Variants in WFDC1 observed in about 807,000 individuals in gnomAD.
WFDC1 encodes WAP four-disulfide core domain protein 1.
In WFDC1, 39 loss-of-function variants were observed where a neutral mutation model predicts 32.9. That is an observed-to-expected ratio of 1.19 (90% CI 0.92 to 1.55). WFDC1 has a LOEUF of 1.55. Ranked by LOEUF, WFDC1 falls within the 40% of genes most tolerant of loss-of-function variation. WFDC1 has a pLI of 0.00. For missense variants in WFDC1, 386 were observed against 309.5 expected (o/e 1.25, Z -1.85); for synonymous variants, 184 against 137.4 (o/e 1.34, Z -2.37).
chr16:84,311,816 G>A (rs62050690), intron 1 of WFDC1, among the ~76,000 whole-genome samples: 1,567 of 148,438 alleles, frequency 0.011, 21 homozygotes, highest in African/African-American at 0.037. Flanking sequence ...GGGATTATAC[G>A]CTTGTGTGCC....
At chr16:84,315,099 G>T (rs988841111) in intron 2 of WFDC1, among the ~76,000 whole-genome samples, 2 of 152,230 alleles carry the variant, frequency 1.3e-5, no homozygotes, top group African/African-American at 4.8e-5. Flanking sequence ...ATTGCCTTAG[G>T]CCGTGAGTGT....
chr16:84,318,486 C>A lies in WFDC1; in HGVS notation c.421+131C>A, dbSNP rs1908097010. On this transcript the variant is annotated intron_variant, in intron 3 of 6. Coordinates refer to ENST00000219454, the MANE Select transcript of WFDC1 (RefSeq NM_021197.4). ...GCCCTTCAGCCAAACACTCAGCCCTCTTTGATCCTCCCCACCCCAGCGAAG... is the reference window on the plus strand; with the variant it reads ...GCCCTTCAGCCAAACACTCAGCCCTATTTGATCCTCCCCACCCCAGCGAAG... 6.1e-6 allele frequency: 5 copies of A among 818,806 alleles called. No homozygotes were observed. The South Asian group carries it at 7.6e-5, about 13-fold the overall frequency. The allele number at this position is 818,806 out of a possible 1,614,324, so 50.7% of individuals were successfully genotyped here.
At chr16:84,299,456 C>T (rs571981246) in intron 1 of WFDC1, among the ~76,000 whole-genome samples, 2 of 151,912 alleles carry the variant, frequency 1.3e-5, no homozygotes, top group Non-Finnish European at 2.9e-5. Flanking sequence ...AGAAGCAGAA[C>T]GTTTGTAAAT....
At chr16:84,305,148 C>G (rs1907176477) in intron 1 of WFDC1, among the ~76,000 whole-genome samples, 1 of 152,220 alleles carries the variant, frequency 6.6e-6, no homozygotes, top group Admixed American at 6.5e-5. Flanking sequence ...ACTGAAGATT[C>G]AGTATGTGAG....
intron 1 of WFDC1, among the ~76,000 whole-genome samples, chr16:84,309,590 G>A (rs768551139): frequency 2.6e-5 from 4 of 152,134 alleles, no homozygotes; most frequent in East Asian, 1.9e-4. Flanking sequence ...ACAAACTGGG[G>A]TGGGAGGGGT....
intron 4 of WFDC1, among the ~76,000 whole-genome samples, chr16:84,322,145 C>CTGTGTGTGTGTGTGTGTGTG (rs751867533): frequency 3.7e-5 from 4 of 109,334 alleles, no homozygotes; most frequent in East Asian, 2.3e-4. Context: ...GCCTCAGAGC[C>CTGTGTGTGTGTGTGTGTGTG]TGTGTGTGTG....
chr16:84,319,252 C>G, intron 3 of WFDC1, 179 bp from the exon 4 acceptor site: 1 of 724,254 alleles, frequency 1.4e-6, no homozygotes, highest in African/African-American at 1.8e-5. Context: ...GCACGTGTGC[C>G]ACATGCCGCT....
chr16:84,310,202 T>C (rs1037441960), intron 1 of WFDC1, among the ~76,000 whole-genome samples: 3 of 150,666 alleles, frequency 2.0e-5, no homozygotes, highest in Admixed American at 6.6e-5. Flanking sequence ...GTGTGGGACA[T>C]AGAAGCGGGG....
At chr16:84,319,379 C>T (rs1908160790) in intron 3 of WFDC1, 52 bp from the exon 4 acceptor site, 9 of 1,591,774 alleles carry the variant, frequency 5.7e-6, no homozygotes, top group Non-Finnish European at 7.7e-6. Context: ...CTAGCATGTG[C>T]ACCTGTCCTG....
At position 84,322,137 on chromosome 16, in the gene WFDC1, C is replaced by T. The variant is rs188268634; in HGVS notation, c.563-2282C>T. On this transcript the variant is annotated intron_variant, in intron 4 of 6. Coordinates refer to ENST00000219454, the MANE Select transcript of WFDC1 (RefSeq NM_021197.4). ...TGGAATTCCAAGACTGTCCACCAGC[C>T]TCAGAGCCTGTGTGTGTGTGTGCGT... Among the ~76,000 whole-genome samples, 121 of 121,084 alleles carry T rather than the reference C, an allele frequency of 1.0e-3. 1 individual carries two copies. Among genetic ancestry groups the T allele is most frequent in the African/African-American group, 3.3e-3 (120 of 36,036 alleles). The allele number at this position is 121,084 out of a possible 152,430, so 79.4% of individuals were successfully genotyped here. A position where few individuals can be genotyped will look rare whatever the true frequency, so the allele number is the denominator to read the frequency against.
intron 1 of WFDC1, among the ~76,000 whole-genome samples, chr16:84,298,296 A>G (rs1906730055): frequency 1.3e-5 from 2 of 151,872 alleles, no homozygotes; most frequent in South Asian, 2.1e-4. Flanking sequence ...TTTAGTAGAG[A>G]TGGGGTTTTG....
chr16:84,313,303 G>A (rs1050045982), intron 2 of WFDC1, 150 bp downstream of exon 2: 7 of 653,432 alleles, frequency 1.1e-5, no homozygotes, highest in African/African-American at 1.9e-5. Context: ...ACTGGGACGG[G>A]CGCTCCTTGA....
chr16:84,326,058 CATCT>C (rs199918963), intron 5 of WFDC1: 88,051 of 149,516 alleles, frequency 0.59, 26,316 homozygotes, highest in East Asian at 0.71. Context: ...ACTATCCATC[CATCT>C]ATCCATCCAT....
intron 4 of WFDC1, among the ~76,000 whole-genome samples, chr16:84,322,573 G>A (rs754711747): frequency 1.8e-4 from 28 of 152,112 alleles, no homozygotes; most frequent in African/African-American, 5.8e-4. Context: ...ATAAATCTAC[G>A]TGTGTATTTT....
At chr16:84,301,591 G>A (rs951165088) in intron 1 of WFDC1, among the ~76,000 whole-genome samples, 2 of 152,128 alleles carry the variant, frequency 1.3e-5, no homozygotes, top group African/African-American at 4.8e-5. Flanking sequence ...CACCCAGGAG[G>A]GGGTCTTCAA....
At chr16:84,302,176 A>G (rs1454613627) in intron 1 of WFDC1, among the ~76,000 whole-genome samples, 1 of 152,008 alleles carries the variant, frequency 6.6e-6, no homozygotes, top group Non-Finnish European at 1.5e-5. Flanking sequence ...GCGGGACGGG[A>G]AGGAGATTCT....
intron 3 of WFDC1, 103 bp downstream of exon 3, chr16:84,318,458 C>T (rs897490641): frequency 1.6e-5 from 18 of 1,106,052 alleles, no homozygotes; most frequent in African/African-American, 6.2e-5. Flanking sequence ...CCCCCATGCA[C>T]GGGCCCTTCA....
intron 3 of WFDC1, chr16:84,318,725 A>G (rs7498901): frequency 0.99 from 242,800 of 246,156 alleles, 119,839 homozygotes; most frequent in East Asian, 1. Context: ...GCAGAGGGCA[A>G]TTTCTGGAAG....
intron 1 of WFDC1, among the ~76,000 whole-genome samples, chr16:84,297,645 A>ATAAC (rs572290089): frequency 2.9e-5 from 4 of 136,176 alleles, no homozygotes; most frequent in South Asian, 2.5e-4. Context: ...AAAAAAAAAA[A>ATAAC]AACTGTGCCT....
Sources: gnomAD v4.1 joint callset for allele counts (sites outside exome capture counted in the v4.1 genomes callset) on GRCh38, gnomAD v4.1.1 for gene constraint, MANE v1.5 for transcripts, NCBI Gene and HGNC (gene_info 2026-07-23, HGNC 2026-07-21) for gene names.